The following OCA2 variants were observed in gnomAD, a reference collection of about 807,000 sequenced individuals.
OCA2 encodes the protein OCA2 melanosomal transmembrane protein.
Under a neutral mutation model 100.2 loss-of-function variants are expected in OCA2, and 77 were observed. The observed-to-expected ratio is 0.77, with a 90% CI of 0.64 to 0.93. OCA2 has a LOEUF of 0.93. Among genes scored for constraint, OCA2 ranks in the 40% least tolerant of loss-of-function variants. OCA2 has a pLI of 0.00. For synonymous variants in OCA2, 432 were observed against 439.2 expected, an observed-to-expected ratio of 0.98 and a Z score of 0.21; for missense variants, 1,062 against 1,089.1, an observed-to-expected ratio of 0.98 and a Z score of 0.35.
intron 23 of OCA2, among the ~76,000 whole-genome samples, chr15:27,781,586 C>A (rs1236744776): frequency 6.6e-6 from 1 of 152,136 alleles, no homozygotes; most frequent in Non-Finnish European, 1.5e-5. Context: ...CTTTTTATTT[C>A]TTTTGTGTGC....
At chr15:27,814,073 T>C (rs1566984816) in intron 23 of OCA2, among the ~76,000 whole-genome samples, 2 of 152,330 alleles carry the variant, frequency 1.3e-5, no homozygotes, top group African/African-American at 4.8e-5. Flanking sequence ...AAATATACAA[T>C]TATTCTTTGA....
At chr15:28,026,710 T>C (rs988022550) in intron 4 of OCA2, among the ~76,000 whole-genome samples, 3 of 152,142 alleles carry the variant, frequency 2.0e-5, no homozygotes, top group Admixed American at 2.0e-4. Context: ...AGCGGATCCC[T>C]ACGCACCTCA....
chr15:27,983,111 C>G (rs917929704), intron 14 of OCA2, among the ~76,000 whole-genome samples: 1 of 152,144 alleles, frequency 6.6e-6, no homozygotes, highest in Non-Finnish European at 1.5e-5. Flanking sequence ...TCATGCTATC[C>G]AGTCATTTCT....
intron 21 of OCA2, among the ~76,000 whole-genome samples, chr15:27,861,553 G>A (rs1002080856): frequency 3.3e-5 from 5 of 152,096 alleles, no homozygotes; most frequent in East Asian, 1.9e-4. Context: ...AAGGAGCCCC[G>A]TGCAGGGAGG....
At chr15:28,016,569 A>G (rs2042400053) in intron 7 of OCA2, among the ~76,000 whole-genome samples, 1 of 152,210 alleles carries the variant, frequency 6.6e-6, no homozygotes, top group Non-Finnish European at 1.5e-5. Flanking sequence ...ACTTGAGGCC[A>G]AGAGTTCAAG....
At chr15:27,956,902 G>A (rs1192226870) in intron 16 of OCA2, among the ~76,000 whole-genome samples, 1 of 152,216 alleles carries the variant, frequency 6.6e-6, no homozygotes, top group African/African-American at 2.4e-5. Flanking sequence ...GACCATTCTA[G>A]ATTTTGTTCA....
chr15:28,083,420 A>G (rs1033035723), intron 1 of OCA2, among the ~76,000 whole-genome samples: 1 of 152,244 alleles, frequency 6.6e-6, no homozygotes, highest in Admixed American at 6.5e-5. Context: ...GTGATCACTC[A>G]CAAACCAGTG....
intron 19 of OCA2, among the ~76,000 whole-genome samples, chr15:27,872,739 G>C (rs2036632872): frequency 6.6e-6 from 1 of 151,324 alleles, no homozygotes; most frequent in Non-Finnish European, 1.5e-5. Flanking sequence ...GCTCAGGCTG[G>C]AGTGCAGTGG....
chr15:27,767,084 G>T lies in OCA2; in HGVS notation c.2433-11612C>A, dbSNP rs780372699. On this transcript the variant is annotated intron_variant, in intron 23 of 23. Coordinates refer to ENST00000354638, the MANE Select transcript of OCA2 (RefSeq NM_000275.3). ...TCTCCCTTTTCTAGGTCCTGTGACCGCCATCTTGCTATTACTTGCCTTTGG... is the reference window on the plus strand; with the variant it reads ...TCTCCCTTTTCTAGGTCCTGTGACCTCCATCTTGCTATTACTTGCCTTTGG... Among the ~76,000 whole-genome samples the T allele has an allele frequency of 7.8e-4, 118 of 151,822 alleles. 1 individual carries two copies. Among genetic ancestry groups the T allele is most frequent in the Non-Finnish European group, 2.1e-4 (14 of 67,996 alleles).
chr15:27,972,700 AT>A lies in OCA2; in HGVS notation c.1504-5879del, dbSNP rs371672821. Among the ~76,000 whole-genome samples, 1,092 of 146,456 alleles carry A rather than the reference AT, an allele frequency of 7.5e-3. 7 individuals carry two copies. The highest frequency in any genetic ancestry group is 0.025 in the African/African-American group (984 of 39,790). On this transcript the variant is annotated intron_variant, in intron 14 of 23. Coordinates refer to ENST00000354638, the MANE Select transcript of OCA2 (RefSeq NM_000275.3). Reference sequence around the variant, plus strand: ...CATTTGCCTACTTTTTATTGGGATTATTTTTTTTTTCTTGCTAATTTGTTTG... The same window carrying A: ...CATTTGCCTACTTTTTATTGGGATTATTTTTTTTTCTTGCTAATTTGTTTG...
intron 2 of OCA2, among the ~76,000 whole-genome samples, chr15:28,080,901 G>C (rs1427745375): frequency 1.3e-5 from 2 of 152,166 alleles, no homozygotes; most frequent in African/African-American, 4.8e-5. Context: ...AATATTTAAA[G>C]ATGTATCAAA....
chr15:27,800,959 C>A (rs1027425588), intron 23 of OCA2, among the ~76,000 whole-genome samples: 13 of 151,978 alleles, frequency 8.6e-5, no homozygotes, highest in African/African-American at 3.1e-4. Context: ...AGAGTGAGAC[C>A]CTACCTCGAA....
Position 28,028,012 on chromosome 15 carries a change from T to A in OCA2, c.374A>T (p.Glu125Val). 1 of 1,614,188 alleles carries A rather than the reference T, an allele frequency of 6.2e-7. No individual in the cohort carries two copies. The highest frequency in any genetic ancestry group is 8.5e-7 in the Non-Finnish European group (1 of 1,180,024). ...GTCAGCAGAGCTGTCTTCCCAAGAC[T>A]CTTCAGCAGTGATGAACTCTGGATG... ...VYHPEFITAE[E>V]SWEDSSADWE... The change falls in exon 4 of 24, where the codon GAG (glutamate) becomes GTG (valine). Residue 125 changes from glutamate (E) to valine (V), a missense_variant. Glu to Val is a moderately radical substitution (Grantham distance 121, BLOSUM62 -2). Transcript: ENST00000354638.
the OCA2 span, among the ~76,000 whole-genome samples, chr15:27,745,044 T>C: frequency 3.3e-5 from 5 of 152,158 alleles, no homozygotes. Flanking sequence ...ATGTACTCCT[T>C]TTGTTACAGG....
At chr15:27,916,092 C>G (rs2038653047) in intron 19 of OCA2, among the ~76,000 whole-genome samples, 1 of 152,070 alleles carries the variant, frequency 6.6e-6, no homozygotes, top group African/African-American at 2.4e-5. Context: ...AATGCAGGAA[C>G]AGAAAACCAA....
rs551529901 is a variant in OCA2, at chr15:27,808,464, G to A, written c.2432+36495C>T. Among the ~76,000 whole-genome samples the A allele has an allele frequency of 5.3e-5, 8 of 152,326 alleles. No homozygotes were observed. In the East Asian group the frequency reaches 5.8e-4, roughly 11 times the overall value. On this transcript the variant is annotated intron_variant, in intron 23 of 23. Transcript: ENST00000354638. ...TCTTATAAAGAGAAACCGTCCAACC[G>A]TACAACTGTCTCAAGATGGAATGGG...
chr15:27,770,757 CCT>C (rs1398584601), intron 23 of OCA2, among the ~76,000 whole-genome samples: 2 of 69,026 alleles, frequency 2.9e-5, no homozygotes, highest in African/African-American at 8.3e-5. Flanking sequence ...TTCCTTCCTT[CCT>C]CTCTCCCTCC....
At chr15:28,082,172 T>C (rs1021393339) in intron 1 of OCA2, among the ~76,000 whole-genome samples, 4 of 152,106 alleles carry the variant, frequency 2.6e-5, no homozygotes, top group African/African-American at 9.7e-5. Flanking sequence ...AATGCACCAA[T>C]CAGCAATCTA....
intron 1 of OCA2, among the ~76,000 whole-genome samples, chr15:28,094,902 G>A (rs905311915): frequency 2.0e-5 from 3 of 152,256 alleles, no homozygotes; most frequent in Non-Finnish European, 4.4e-5. Flanking sequence ...GACCGACAGA[G>A]GCCAGGGCGC....
Sources: gnomAD v4.1 joint callset for allele counts (sites outside exome capture counted in the v4.1 genomes callset) on GRCh38, gnomAD v4.1.1 for gene constraint, MANE v1.5 for transcripts, NCBI Gene and HGNC (gene_info 2026-07-23, HGNC 2026-07-21) for gene names.